The following NAT1 variants were observed in gnomAD, a reference collection of about 807,000 sequenced individuals.
The protein encoded by NAT1 is arylamine N-acetyltransferase 1.
For synonymous variants in NAT1, 144 were observed against 122.6 expected (o/e 1.17, Z -1.16); for missense variants, 400 against 339.2 (o/e 1.18, Z -1.41).
At chr8:18,187,538 A>C (rs1802789850) in intron 2 of NAT1, among the ~76,000 whole-genome samples, 1 of 152,132 alleles carries the variant, frequency 6.6e-6, no homozygotes, top group Non-Finnish European at 1.5e-5. Context: ...AAAGAATAAG[A>C]TCATGTCCTC....
At chr8:18,202,738 A>G (rs1340082565) in intron 2 of NAT1, among the ~76,000 whole-genome samples, 1 of 152,138 alleles carries the variant, frequency 6.6e-6, no homozygotes, top group African/African-American at 2.4e-5. Context: ...GGTGAGTGTT[A>G]CAGCTTACAA....
At chr8:18,190,960 G>A (rs560083312) in intron 2 of NAT1, among the ~76,000 whole-genome samples, 68 of 151,978 alleles carry the variant, frequency 4.5e-4, no homozygotes, top group African/African-American at 1.6e-3. Context: ...CCAGCTACAC[G>A]GGAGGCTGAG....
chr8:18,177,976 G>A (rs1163011858), intron 2 of NAT1, among the ~76,000 whole-genome samples: 1 of 152,086 alleles, frequency 6.6e-6, no homozygotes, highest in Non-Finnish European at 1.5e-5. Flanking sequence ...AAACAGCTGA[G>A]TCAGCTATTA....
rs867938850 is a variant in NAT1, at chr8:18,222,135, C to T, written c.88C>T (p.His30Tyr). Residue 30 changes from histidine to tyrosine, a missense_variant, in exon 3 of 3, where the codon CAC becomes TAC. By Grantham distance (83) the His-to-Tyr change is moderately conservative. Transcript: ENST00000307719. Reference protein sequence around the residue: ...DLETLTDILQHQIRAVPFENL... With the variant: ...DLETLTDILQYQIRAVPFENL... ...GGAAACATTAACTGACATTCTTCAA[C>T]ACCAGATCCGAGCTGTTCCCTTTGA... The T allele has an allele frequency of 1.2e-6, 2 of 1,614,132 alleles. No individual in the cohort carries two copies. The highest frequency in any genetic ancestry group is 1.7e-5 in the Admixed American group (1 of 60,020).
At chr8:18,187,958 C>T (rs1310687422) in intron 2 of NAT1, among the ~76,000 whole-genome samples, 1 of 151,504 alleles carries the variant, frequency 6.6e-6, no homozygotes, top group African/African-American at 2.4e-5. Flanking sequence ...CACACACACA[C>T]ACACACACAC....
intron 1 of NAT1, among the ~76,000 whole-genome samples, chr8:18,214,293 C>T (rs1000156393): frequency 3.9e-5 from 6 of 152,124 alleles, no homozygotes; most frequent in Admixed American, 6.6e-5. Context: ...GCCATGAAAC[C>T]GAAACTATCA....
At chr8:18,195,692 A>G (rs1363695791) in intron 2 of NAT1, among the ~76,000 whole-genome samples, 5 of 152,120 alleles carry the variant, frequency 3.3e-5, no homozygotes, top group African/African-American at 1.2e-4. Flanking sequence ...CGATCCCACT[A>G]CTAAGAGTTA....
chr8:18,179,042 C>T (rs927535882), intron 2 of NAT1, among the ~76,000 whole-genome samples: 2 of 152,062 alleles, frequency 1.3e-5, no homozygotes, highest in Non-Finnish European at 2.9e-5. Flanking sequence ...CAACATTTAT[C>T]CCTCTATATT....
At chr8:18,209,428 C>G (rs1316159751), upstream of NAT1, among the ~76,000 whole-genome samples, 1 of 152,154 alleles carries the variant, frequency 6.6e-6, no homozygotes, top group Non-Finnish European at 1.5e-5. Flanking sequence ...TATAAGAACA[C>G]CACATTGTAC....
chr8:18,222,289 C>T lies in NAT1; in HGVS notation c.242C>T (p.Thr81Ile). Reference sequence around the variant, plus strand: ...CATCTTCTGTACTGGGCTCTGACCACTATTGGTTTTGAGACCACGATGTTG... The same window carrying T: ...CATCTTCTGTACTGGGCTCTGACCATTATTGGTTTTGAGACCACGATGTTG... ...VNHLLYWALTTIGFETTMLGG... is the reference protein window; with the variant it reads ...VNHLLYWALTIIGFETTMLGG... Residue 81 changes from threonine to isoleucine, a missense_variant, in exon 3 of 3, where the codon ACT becomes ATT. Thr to Ile is a moderately conservative substitution (Grantham distance 89). Coordinates refer to ENST00000307719, the MANE Select transcript of NAT1 (RefSeq NM_000662.8). The T allele has an allele frequency of 6.2e-7, 1 of 1,614,128 alleles. No individual in the cohort carries two copies. The highest frequency in any genetic ancestry group is 8.5e-7 in the Non-Finnish European group (1 of 1,180,018).
chr8:18,211,271 G>A (rs1477830540), intron 1 of NAT1: 1 of 152,306 alleles, frequency 6.6e-6, no homozygotes, highest in Non-Finnish European at 1.5e-5. Flanking sequence ...GACAGCCCCA[G>A]GAGCTGAGGG....
At chr8:18,200,264 C>T (rs776038597) in intron 2 of NAT1, among the ~76,000 whole-genome samples, 6 of 152,018 alleles carry the variant, frequency 3.9e-5, no homozygotes, top group Non-Finnish European at 7.4e-5. Context: ...CAGCACTATT[C>T]GCAATAGCAA....
intron 2 of NAT1, among the ~76,000 whole-genome samples, chr8:18,220,333 A>G (rs950361604): frequency 2.0e-5 from 3 of 152,108 alleles, no homozygotes; most frequent in Non-Finnish European, 1.5e-5. Context: ...ATAGGAGAAT[A>G]TAGAAGAAAT....
chr8:18,219,299 T>C (rs1030786532), intron 1 of NAT1, 112 bp from the exon 2 acceptor site: 1 of 710,650 alleles, frequency 1.4e-6, no homozygotes, highest in Admixed American at 2.6e-5. Flanking sequence ...GTCCATTCCC[T>C]CTGTTTTGTG....
chr8:18,205,874 G>C (rs28741068), upstream of NAT1, among the ~76,000 whole-genome samples: 4 of 152,282 alleles, frequency 2.6e-5, no homozygotes, highest in African/African-American at 9.6e-5. Context: ...GGGAGAGGCC[G>C]GCAGACTGAG....
At position 18,222,442 on chromosome 8, in the gene NAT1, G is replaced by A. The variant is rs1419034037; in HGVS notation, c.395G>A (p.Trp132Ter). The A allele has an allele frequency of 6.2e-7, 1 of 1,614,078 alleles. No homozygotes were observed. The highest frequency in any genetic ancestry group is 1.1e-5 in the South Asian group (1 of 91,070). Reference protein sequence around the residue: ...DAGFGRSYQMWQPLELISGKD... With the variant: ...DAGFGRSYQM Reference sequence around the variant, plus strand: ...GGGTTTGGACGCTCATACCAGATGTGGCAGCCTCTGGAGTTAATTTCTGGG... The same window carrying A: ...GGGTTTGGACGCTCATACCAGATGTAGCAGCCTCTGGAGTTAATTTCTGGG... The change falls in exon 3 of 3, where the codon TGG (tryptophan) becomes TAG (stop). Residue 132 changes from tryptophan to a stop codon, truncating the protein, a stop_gained. Transcript: ENST00000307719. LOFTEE classifies it low-confidence loss of function (END_TRUNC).
rs138932782 is a variant in NAT1 at position 18,184,573 on chromosome 8, A to G, written n.92+13834A>G. Reference sequence around the variant, plus strand: ...AGGTTGTTGAATATGAGGTCAATACATAATAATCAAGAATAACAATAATTA... The same window carrying G: ...AGGTTGTTGAATATGAGGTCAATACGTAATAATCAAGAATAACAATAATTA... On this transcript the variant is annotated intron_variant and non_coding_transcript_variant, in intron 2 of 4. Transcript: ENST00000517441. 2.6e-4 allele frequency among the ~76,000 whole-genome samples: 39 copies of G among 152,222 alleles called. 1 individual carries two copies. Among genetic ancestry groups the G allele is most frequent in the African/African-American group, 8.7e-4 (36 of 41,462 alleles).
intron 2 of NAT1, among the ~76,000 whole-genome samples, chr8:18,204,949 A>G (rs146500639): frequency 1.2e-3 from 184 of 152,316 alleles, no homozygotes; most frequent in African/African-American, 4.3e-3. Context: ...TAGTGGGCCA[A>G]TGCTCAGCTC....
intron 2 of NAT1, among the ~76,000 whole-genome samples, chr8:18,183,579 T>A (rs573794232): frequency 6.6e-6 from 1 of 152,182 alleles, no homozygotes; most frequent in East Asian, 1.9e-4. Context: ...GTCAGAAGAA[T>A]CTTCCTAGAT....
Sources: allele counts gnomAD v4.1 joint callset (sites outside exome capture counted in the v4.1 genomes callset), GRCh38; gene constraint gnomAD v4.1.1; transcripts MANE v1.5; gene names NCBI Gene and HGNC (gene_info 2026-07-23, HGNC 2026-07-21).